Variants in SYN3 observed in about 807,000 individuals in gnomAD.
The protein encoded by SYN3 is synapsin-3.
In SYN3, 35 loss-of-function variants were observed where a neutral mutation model predicts 65.8. The ratio of observed to expected loss-of-function variants is 0.53; its 90% CI spans 0.41 to 0.70. The LOEUF is 0.70. Ranked by LOEUF, SYN3 falls within the 30% of genes least tolerant of loss-of-function variation. The pLI, the probability that SYN3 is intolerant of heterozygous loss-of-function variation, is 0.00. For synonymous variants in SYN3, 270 were observed against 292.9 expected (o/e 0.92, Z 0.80); for missense variants, 680 against 749.0 (o/e 0.91, Z 1.08).
At chr22:32,539,128 AG>A in intron 8 of SYN3, among the ~76,000 whole-genome samples, 1 of 152,212 alleles carries the variant, frequency 6.6e-6, no homozygotes, top group Non-Finnish European at 1.5e-5. Flanking sequence ...TTGAGATCAA[AG>A]GGTGAACTGG....
chr22:32,817,421 C>T (rs2047117100), intron 6 of SYN3, among the ~76,000 whole-genome samples: 1 of 152,178 alleles, frequency 6.6e-6, no homozygotes, highest in African/African-American at 2.4e-5. Flanking sequence ...TGGTGAGACA[C>T]TGCCCAGATG....
intron 1 of SYN3, among the ~76,000 whole-genome samples, chr22:33,024,358 G>A (rs529047699): frequency 2.0e-5 from 3 of 152,236 alleles, no homozygotes; most frequent in Non-Finnish European, 4.4e-5. Flanking sequence ...AAATTCCCAG[G>A]CTTCCTCTCC....
chr22:32,945,091 A>T (rs1385120854), intron 3 of SYN3, among the ~76,000 whole-genome samples: 1 of 152,222 alleles, frequency 6.6e-6, no homozygotes, highest in Admixed American at 6.5e-5. Context: ...AGGAAGAATC[A>T]ATATTGTGAA....
At chr22:32,556,834 T>TTTTTTTTTTTG (rs1569035464) in intron 7 of SYN3, among the ~76,000 whole-genome samples, 3 of 129,314 alleles carry the variant, frequency 2.3e-5, no homozygotes, top group African/African-American at 5.8e-5. Context: ...TTTTTTTTTT[T>TTTTTTTTTTTG]TGTGTGTAGA....
At chr22:32,868,387 A>G (rs985445195) in intron 5 of SYN3, among the ~76,000 whole-genome samples, 1 of 151,468 alleles carries the variant, frequency 6.6e-6, no homozygotes, top group Non-Finnish European at 1.5e-5. Flanking sequence ...CATATATTAC[A>G]TGTAACATGT....
At chr22:32,956,688 C>A (rs1034995946) in intron 3 of SYN3, among the ~76,000 whole-genome samples, 1 of 152,156 alleles carries the variant, frequency 6.6e-6, no homozygotes, top group Non-Finnish European at 1.5e-5. Flanking sequence ...TGCTGATGGA[C>A]ATCTGGGTTG....
At chr22:33,051,044 C>A (rs906584237) in intron 1 of SYN3, among the ~76,000 whole-genome samples, 3 of 152,112 alleles carry the variant, frequency 2.0e-5, no homozygotes, top group Admixed American at 6.5e-5. Context: ...GGTGGCCAGA[C>A]CTAGAAGGGC....
At chr22:32,951,903 T>G (rs1165769580) in intron 3 of SYN3, among the ~76,000 whole-genome samples, 1 of 152,118 alleles carries the variant, frequency 6.6e-6, no homozygotes, top group African/African-American at 2.4e-5. Flanking sequence ...CCTCCCCTCC[T>G]CCATTCGGCC....
At chr22:32,610,371 C>T (rs942954413) in intron 6 of SYN3, among the ~76,000 whole-genome samples, 31 of 151,890 alleles carry the variant, frequency 2.0e-4, no homozygotes, top group African/African-American at 4.6e-4. Flanking sequence ...ATGTTTAGAA[C>T]GTTTTTATCA....
intron 7 of SYN3, among the ~76,000 whole-genome samples, chr22:32,542,525 G>C (rs1356009710): frequency 6.6e-6 from 1 of 150,512 alleles, no homozygotes; most frequent in Non-Finnish European, 1.5e-5. Context: ...AGTATGCGGT[G>C]CTTCTGTGTG....
intron 6 of SYN3, 110 bp from the exon 7 acceptor site, chr22:32,596,846 C>T (rs182618868): frequency 2.7e-6 from 3 of 1,129,292 alleles, no homozygotes; most frequent in East Asian, 5.0e-5. Flanking sequence ...GGTCGGGAAT[C>T]CCCACAAGAA....
At chr22:32,804,187 G>A (rs1386015739) in intron 6 of SYN3, among the ~76,000 whole-genome samples, 2 of 152,196 alleles carry the variant, frequency 1.3e-5, no homozygotes, top group Non-Finnish European at 2.9e-5. Context: ...GCTCTGGCAC[G>A]GATCCCAAAT....
chr22:32,523,407 G>A (rs1485204881), intron 12 of SYN3, among the ~76,000 whole-genome samples: 2 of 152,172 alleles, frequency 1.3e-5, no homozygotes, highest in African/African-American at 2.4e-5. Context: ...CAGCTACCCG[G>A]GAGGCTGAGG....
intron 4 of SYN3, among the ~76,000 whole-genome samples, chr22:32,886,767 T>C (rs1044411242): frequency 4.6e-5 from 7 of 152,228 alleles, no homozygotes; most frequent in African/African-American, 1.7e-4. Flanking sequence ...TAGAATTTCA[T>C]GTCAGTGGAA....
chr22:32,763,650 G>A (rs4821099), intron 6 of SYN3, among the ~76,000 whole-genome samples: 68,727 of 152,022 alleles, frequency 0.45, 16,271 homozygotes, highest in East Asian at 0.55. Flanking sequence ...CCAGTATATC[G>A]AGATGGAGAG....
intron 6 of SYN3, among the ~76,000 whole-genome samples, chr22:32,672,241 G>C (rs1320296487): frequency 3.3e-5 from 5 of 152,094 alleles, no homozygotes; most frequent in African/African-American, 1.2e-4. Context: ...ACAATGTCTT[G>C]CCCATCCTTG....
intron 6 of SYN3, among the ~76,000 whole-genome samples, chr22:32,808,466 G>T (rs752840795): frequency 6.6e-6 from 1 of 152,184 alleles, no homozygotes; most frequent in Non-Finnish European, 1.5e-5. Flanking sequence ...TATTATGGGA[G>T]CTAGAAGGCC....
Position 32,818,338 on chromosome 22 carries a change from A to C in SYN3, c.711+46577T>G, listed in dbSNP as rs368219269. ...GTCCATCAGGGGCACTCACATTTAG[A>C]ATGGGGGAGTCTTAGTTAGCCCAGG... On this transcript the variant is annotated intron_variant, in intron 6 of 13. Coordinates refer to ENST00000358763, the MANE Select transcript of SYN3 (RefSeq NM_003490.4). Among the ~76,000 whole-genome samples the C allele has an allele frequency of 1.2e-3, 179 of 152,192 alleles. 1 individual carries two copies. The highest frequency in any genetic ancestry group is 4.1e-3 in the African/African-American group (169 of 41,554).
intron 6 of SYN3, among the ~76,000 whole-genome samples, chr22:32,827,377 G>A (rs1313288510): frequency 2.6e-5 from 4 of 152,194 alleles, no homozygotes; most frequent in Admixed American, 6.5e-5. Flanking sequence ...ACCCTACCCC[G>A]TTTCCTTGAA....
Sources: gnomAD v4.1 joint callset for allele counts (sites outside exome capture counted in the v4.1 genomes callset) on GRCh38, gnomAD v4.1.1 for gene constraint, MANE v1.5 for transcripts, NCBI Gene and HGNC (gene_info 2026-07-23, HGNC 2026-07-21) for gene names.